The following LRRTM3 variants were observed in gnomAD, a reference collection of about 807,000 sequenced individuals.
The protein encoded by LRRTM3 is leucine-rich repeat transmembrane neuronal protein 3.
In LRRTM3, 24 loss-of-function variants were observed where a neutral mutation model predicts 44.7. The observed-to-expected ratio is 0.54, with a 90% CI of 0.39 to 0.76. LRRTM3 has a LOEUF of 0.76. LRRTM3 is among the 30% of genes least tolerant of loss of function. The pLI, the probability that LRRTM3 is intolerant of heterozygous loss-of-function variation, is 0.00. For missense variants in LRRTM3, 587 were observed against 702.2 expected (o/e 0.84, Z 1.85); for synonymous variants, 277 against 278.7 (o/e 0.99, Z 0.06).
At chr10:66,972,507 A>G (rs1330583896) in intron 2 of LRRTM3, among the ~76,000 whole-genome samples, 1 of 151,928 alleles carries the variant, frequency 6.6e-6, no homozygotes, top group Non-Finnish European at 1.5e-5. Context: ...TTCTGCATAA[A>G]TGGTATTTTT....
At position 66,926,065 on chromosome 10, in the gene LRRTM3, T is replaced by A. The variant is rs1166640934; in HGVS notation, c.-519T>A. ...GTCCGAGCAGCTTTCAGAATGACAG[T>A]CTGCAGAAGTGAGCTGAGCGTGTGC... On this transcript the variant is annotated 5_prime_UTR_variant, in exon 1 of 3. Transcript: ENST00000361320. 1 of 457,172 alleles carries A rather than the reference T, an allele frequency of 2.2e-6. No homozygotes were observed. The highest frequency in any genetic ancestry group is 4.4e-6 in the Non-Finnish European group (1 of 227,406). The allele number at this position is 457,172 out of a possible 1,614,324, so 28.3% of individuals were successfully genotyped here. A position where few individuals can be genotyped will look rare whatever the true frequency, so the allele number is the denominator to read the frequency against.
At chr10:67,023,151 T>C (rs1285136116) in intron 2 of LRRTM3, among the ~76,000 whole-genome samples, 3 of 152,222 alleles carry the variant, frequency 2.0e-5, no homozygotes, top group South Asian at 2.1e-4. Context: ...GATTCTAATA[T>C]TTATGTGGAA....
chr10:66,945,330 A>C (rs1216327059), intron 2 of LRRTM3, among the ~76,000 whole-genome samples: 1 of 152,196 alleles, frequency 6.6e-6, no homozygotes, highest in East Asian at 1.9e-4. Flanking sequence ...TTTACTTTGC[A>C]CTTTTATGTT....
intron 2 of LRRTM3, among the ~76,000 whole-genome samples, chr10:67,008,684 A>T (rs1852149391): frequency 2.6e-5 from 4 of 152,166 alleles, no homozygotes; most frequent in African/African-American, 7.2e-5. Context: ...TAGAAGCCCC[A>T]GCTAGGATAG....
At chr10:66,987,846 T>C (rs1850820538) in intron 2 of LRRTM3, among the ~76,000 whole-genome samples, 1 of 152,208 alleles carries the variant, frequency 6.6e-6, no homozygotes, top group African/African-American at 2.4e-5. Flanking sequence ...TCAGTGGCTT[T>C]ACAATTTAAG....
intron 2 of LRRTM3, among the ~76,000 whole-genome samples, chr10:67,029,201 G>A (rs898777925): frequency 9.2e-5 from 14 of 152,158 alleles, no homozygotes; most frequent in African/African-American, 3.4e-4. Flanking sequence ...AATATTAGCA[G>A]CTATTTGAAA....
chr10:66,928,156 C>T lies in LRRTM3; in HGVS notation c.1240C>T (p.His414Tyr), dbSNP rs1167303056. 1.7e-5 allele frequency: 27 copies of T among 1,613,986 alleles called. No individual in the cohort carries two copies. The highest frequency in any genetic ancestry group is 2.1e-5 in the Non-Finnish European group (25 of 1,180,046). ...CCCAGAGACCGATGCTGACGCCGAG[C>T]ACATCTCTTTCCATAAAATCATCGC... ...PGPETDADAE[H>Y]ISFHKIIAGS... The change falls in exon 2 of 3, where the codon CAC becomes TAC. Residue 414 changes from histidine to tyrosine, a missense_variant. Physicochemically the swap from His to Tyr is moderately conservative, Grantham distance 83. Coordinates refer to ENST00000361320, the MANE Select transcript of LRRTM3 (RefSeq NM_178011.5).
At chr10:67,013,883 T>C (rs1160053508) in intron 2 of LRRTM3, among the ~76,000 whole-genome samples, 1 of 152,156 alleles carries the variant, frequency 6.6e-6, no homozygotes, top group Non-Finnish European at 1.5e-5. Flanking sequence ...TGATCTCTGA[T>C]ATCTAGCCTT....
chr10:66,926,826 AT>A, intron 1 of LRRTM3, 94 bp from the exon 2 acceptor site: 2 of 1,162,928 alleles, frequency 1.7e-6, no homozygotes, highest in Non-Finnish European at 2.4e-6. Flanking sequence ...TTAGATTTAA[AT>A]TTTTAAAAAT....
chr10:67,087,262 G>A (rs1857358578), intron 2 of LRRTM3, among the ~76,000 whole-genome samples: 1 of 151,946 alleles, frequency 6.6e-6, no homozygotes, highest in African/African-American at 2.4e-5. Flanking sequence ...AAGGGTCCAG[G>A]GAAGAGTCCA....
chr10:67,031,250 A>G (rs1853708789), intron 2 of LRRTM3, among the ~76,000 whole-genome samples: 1 of 152,170 alleles, frequency 6.6e-6, no homozygotes. Flanking sequence ...CTTTCCTAGT[A>G]AAACTGTTCA....
At chr10:66,979,943 T>C (rs753229593) in intron 2 of LRRTM3, among the ~76,000 whole-genome samples, 2 of 152,220 alleles carry the variant, frequency 1.3e-5, no homozygotes, top group Non-Finnish European at 2.9e-5. Context: ...TCAAGTACTG[T>C]TGGAACACCA....
intron 2 of LRRTM3, among the ~76,000 whole-genome samples, chr10:66,931,906 A>G (rs886890631): frequency 7.2e-5 from 11 of 152,200 alleles, no homozygotes; most frequent in Non-Finnish European, 1.5e-4. Context: ...TAAAGGGGTT[A>G]ATATTTTTCA....
At chr10:67,097,508 A>T in intron 2 of LRRTM3, 79 bp from the exon 3 acceptor site, 1 of 1,284,090 alleles carries the variant, frequency 7.8e-7, no homozygotes, top group South Asian at 1.3e-5. Context: ...TAGTCAGGTC[A>T]GCACTTCAGT....
chr10:66,975,004 A>G (rs1849949600), intron 2 of LRRTM3, among the ~76,000 whole-genome samples: 1 of 152,172 alleles, frequency 6.6e-6, no homozygotes, highest in African/African-American at 2.4e-5. Context: ...ATAGGCCTGG[A>G]ATCAAAGGTA....
At chr10:66,999,601 AATGCC>A (rs1851562407) in intron 2 of LRRTM3, among the ~76,000 whole-genome samples, 1 of 152,126 alleles carries the variant, frequency 6.6e-6, no homozygotes, top group Admixed American at 6.6e-5. Context: ...AATCCTATTA[AATGCC>A]AACCTATAAA....
intron 2 of LRRTM3, among the ~76,000 whole-genome samples, chr10:67,072,966 T>C (rs1253506676): frequency 6.6e-6 from 1 of 152,078 alleles, no homozygotes; most frequent in African/African-American, 2.4e-5. Flanking sequence ...CCCTCAAGTC[T>C]CCAGTTTGTC....
chr10:67,075,708 T>G (rs1477735284), intron 2 of LRRTM3, among the ~76,000 whole-genome samples: 2 of 152,214 alleles, frequency 1.3e-5, no homozygotes, highest in Admixed American at 6.5e-5. Context: ...GCATTGAATA[T>G]GAACTGAACT....
At chr10:66,953,658 T>C (rs1266986267) in intron 2 of LRRTM3, among the ~76,000 whole-genome samples, 1 of 152,206 alleles carries the variant, frequency 6.6e-6, no homozygotes, top group Non-Finnish European at 1.5e-5. Flanking sequence ...GAGAATTTCA[T>C]CTATTTTCTA....
Sources: gnomAD v4.1 joint callset for allele counts (sites outside exome capture counted in the v4.1 genomes callset) on GRCh38, gnomAD v4.1.1 for gene constraint, MANE v1.5 for transcripts, NCBI Gene and HGNC (gene_info 2026-07-23, HGNC 2026-07-21) for gene names.